Variants in GMPPA observed in about 807,000 individuals in gnomAD.
The protein encoded by GMPPA is mannose-1-phosphate guanylyltransferase regulatory subunit alpha.
A neutral mutation model predicts 58.6 loss-of-function variants in GMPPA; 46 were observed. The observed-to-expected ratio is 0.78, with a 90% CI of 0.62 to 1.00. GMPPA has a LOEUF of 1.00. GMPPA is among the 50% of genes least tolerant of loss of function. The pLI, the probability that GMPPA is intolerant of heterozygous loss-of-function variation, is 0.00. For missense variants in GMPPA, 468 were observed against 556.4 expected (o/e 0.84, Z 1.60); for synonymous variants, 211 against 214.9 (o/e 0.98, Z 0.16).
rs907394838 is a variant in GMPPA, at chr2:219,506,183, C to T, written c.994-71C>T. 9 of 1,516,894 alleles carry T rather than the reference C, an allele frequency of 5.9e-6. No homozygotes were observed. The Admixed American group carries it at 9.1e-5, about 15-fold the overall frequency. The allele number at this position is 1,516,894 out of a possible 1,614,324, so 94.0% of individuals were successfully genotyped here. On this transcript the variant is annotated intron_variant, in intron 11 of 12. Transcript: ENST00000313597. Reference sequence around the variant, plus strand: ...GAACGCCGTGGGCTCTGCATCTGGCCACACCTCACACCCTCCGGTTCCTGC... The same window carrying T: ...GAACGCCGTGGGCTCTGCATCTGGCTACACCTCACACCCTCCGGTTCCTGC...
At position 219,505,898 on chromosome 2, in the gene GMPPA, G is replaced by A. The variant is rs1005584358; in HGVS notation, c.901-82G>A. 3.4e-5 allele frequency: 39 copies of A among 1,155,256 alleles called. No individual in the cohort carries two copies. In the South Asian group the frequency reaches 5.7e-4, roughly 17 times the overall value. 71.6% of individuals were successfully genotyped at this position (1,155,256 alleles called of 1,614,324 possible). ...GTGTGTCCTCGAGCAGGTCACTTAT[G>A]CCTTATCTGTTCTAGAAGGGAGTTG... On this transcript the variant is annotated intron_variant, in intron 10 of 12. Coordinates refer to ENST00000313597, the MANE Select transcript of GMPPA (RefSeq NM_013335.4).
Position 219,501,598 on chromosome 2 carries a change from G to C in GMPPA, c.242+19G>C, listed in dbSNP as rs201263031. On this transcript the variant is annotated intron_variant, in intron 4 of 12. Transcript: ENST00000313597. ...CAGTCAGGTGTTTGTGCACACACTC[G>C]TATATGGGGGGGTGGGGATGCCCTA... 2.8e-6 allele frequency: 4 copies of C among 1,450,674 alleles called. No individual in the cohort carries two copies. The Admixed American group carries it at 5.0e-5, about 18-fold the overall frequency. The allele number at this position is 1,450,674 out of a possible 1,614,324, so 89.9% of individuals were successfully genotyped here.
In GMPPA at chr2:219,501,604, G is replaced by C. The variant is rs111228471; in HGVS notation, c.242+25G>C. The C allele has an allele frequency of 1.4e-3, 1,928 of 1,373,294 alleles. 19 individuals carry two copies. The African/African-American group carries it at 0.025, about 18-fold the overall frequency. 85.1% of individuals were successfully genotyped at this position (1,373,294 alleles called of 1,614,324 possible). On this transcript the variant is annotated intron_variant, in intron 4 of 12. Coordinates refer to ENST00000313597, the MANE Select transcript of GMPPA (RefSeq NM_013335.4). ...GGTGTTTGTGCACACACTCGTATATGGGGGGGTGGGGATGCCCTAGGCCTC... is the reference window on the plus strand; with the variant it reads ...GGTGTTTGTGCACACACTCGTATATCGGGGGGTGGGGATGCCCTAGGCCTC...
intron 6 of GMPPA, 29 bp from the exon 7 acceptor site, chr2:219,504,054 C>T (rs1694490060): frequency 6.2e-7 from 1 of 1,613,572 alleles, no homozygotes; most frequent in South Asian, 1.1e-5. Context: ...GTCCCTTCTT[C>T]TACTGAACCC....
At chr2:219,505,626 G>C (rs762029038) in intron 9 of GMPPA, 71 bp downstream of exon 9, 3 of 1,576,528 alleles carry the variant, frequency 1.9e-6, no homozygotes, top group Non-Finnish European at 2.6e-6. Context: ...TCTTGACCTC[G>C]AGTCCAGAGT....
intron 7 of GMPPA, chr2:219,504,690 C>T (rs934526511): frequency 1.9e-5 from 4 of 207,066 alleles, no homozygotes; most frequent in East Asian, 3.0e-4. Context: ...AACCCCCCAC[C>T]GCCCCATCTA....
intron 7 of GMPPA, chr2:219,504,508 A>G (rs1694507132): frequency 2.1e-6 from 1 of 471,054 alleles, no homozygotes; most frequent in African/African-American, 2.0e-5. Context: ...AGCAACACAC[A>G]GTTGGGCGCA....
Position 219,502,112 on chromosome 2 carries a change from A to T in GMPPA, c.429+75A>T. ...CTTCCCGGAATTCAGGGTGTTGGGG[A>T]GGCAGGGGCGCCCCGGGAGTTGGTG... On this transcript the variant is annotated intron_variant, in intron 5 of 12. Coordinates refer to ENST00000313597, the MANE Select transcript of GMPPA (RefSeq NM_013335.4). This position sits in a 1 kb window ranked among gnomAD's most constrained non-coding sequence, Gnocchi z 4.0. 6.8e-7 allele frequency: 1 copy of T among 1,465,492 alleles called. No individual in the cohort carries two copies. Among genetic ancestry groups the T allele is most frequent in the Non-Finnish European group, 9.4e-7 (1 of 1,058,524 alleles). 90.8% of individuals were successfully genotyped at this position (1,465,492 alleles called of 1,614,324 possible).
intron 3 of GMPPA, chr2:219,500,972 C>G (rs547297573): frequency 6.4e-6 from 1 of 155,742 alleles, no homozygotes; most frequent in African/African-American, 2.4e-5. Context: ...GTAATCCCAA[C>G]GCTTTTTGAG....
At position 219,506,726 on chromosome 2, in the gene GMPPA, GC is replaced by G. The variant is rs770048910; in HGVS notation, c.1192del (p.Leu398SerfsTer3). The G allele has an allele frequency of 2.5e-6, 4 of 1,606,014 alleles. No individual in the cohort carries two copies. The South Asian group carries it at 4.4e-5, about 18-fold the overall frequency. ...GCRVRIPAEV[L>X]ILNSIVLPHK... ...GCCGAGTCCGGATCCCTGCCGAGGT[GC>G]TCATCCTGAACTCGATTGTTCTGCC... On this transcript the variant is annotated frameshift_variant, in exon 13 of 13. Transcript: ENST00000313597. LOFTEE classifies it high-confidence loss of function.
intron 6 of GMPPA, among the ~76,000 whole-genome samples, chr2:219,503,651 G>T (rs774556516): frequency 4.6e-5 from 7 of 152,162 alleles, no homozygotes; most frequent in Non-Finnish European, 8.8e-5. Context: ...ACAATGCCAT[G>T]GGTGAGGCGT....
intron 3 of GMPPA, chr2:219,500,896 C>T (rs963634158): frequency 6.4e-6 from 1 of 155,376 alleles, no homozygotes; most frequent in African/African-American, 2.4e-5. Flanking sequence ...TAGAGTGAGT[C>T]CCAGTTCAGG....
chr2:219,504,822 T>G, intron 7 of GMPPA: 1 of 1,046,526 alleles, frequency 9.6e-7, no homozygotes, highest in Non-Finnish European at 1.2e-6. Context: ...TCTCTCTCCC[T>G]TTCTTTCTGT....
In GMPPA at chr2:219,505,259, G is replaced by C; in HGVS notation, c.652G>C (p.Gly218Arg). The C allele has an allele frequency of 6.2e-7, 1 of 1,614,084 alleles. No individual in the cohort carries two copies. The highest frequency in any genetic ancestry group is 8.5e-7 in the Non-Finnish European group (1 of 1,179,932). Residue 218 changes from glycine to arginine, a missense_variant, in exon 8 of 13, where the codon GGT becomes CGT. Gly to Arg is a moderately radical substitution (Grantham distance 125). Coordinates refer to ENST00000313597, the MANE Select transcript of GMPPA (RefSeq NM_013335.4). ...EDSPGLWPGA[G>R]TIRLEQDVFS... ...CTCACCAGGCTTGTGGCCAGGGGCA[G>C]GTACCATCCGCCTAGAGCAGGATGT... is the stretch of plus-strand genomic sequence containing the variant.
rs201361535 is a variant in GMPPA at position 219,505,493 on chromosome 2, G to A, written c.791G>A (p.Arg264Gln). The A allele has an allele frequency of 1.6e-5, 26 of 1,579,834 alleles. No homozygotes were observed. The highest frequency in any genetic ancestry group is 6.9e-5 in the South Asian group (6 of 86,796). ...ALYASRLYLS[R>Q]YQDTHPERLA... ...TACGCCTCCCGCCTCTACCTGAGCC[G>A]ATACCAGGACACTCACCCAGAACGG... The change falls in exon 9 of 13, where the codon CGA becomes CAA. Residue 264 changes from arginine (R) to glutamine (Q), a missense_variant. Arg to Gln is a conservative substitution (Grantham distance 43). Transcript: ENST00000313597.
In GMPPA at chr2:219,499,718, T is replaced by C. The variant is rs1694321161; in HGVS notation, c.-20-238T>C. The C allele has an allele frequency of 1.2e-5, 7 of 585,418 alleles. No individual in the cohort carries two copies. The South Asian group carries it at 1.4e-4, about 12-fold the overall frequency. 36.3% of individuals were successfully genotyped at this position (585,418 alleles called of 1,614,324 possible). On this transcript the variant is annotated intron_variant, in intron 1 of 12. Transcript: ENST00000313597. The stretch of plus-strand genomic sequence containing the variant: ...CTATATTGAGCTTTGGGTTTACATC[T>C]TGGGGGAGGGCTAAGTGCTGCTATT...
intron 7 of GMPPA, 35 bp downstream of exon 7, chr2:219,504,248 A>AC: frequency 6.2e-7 from 1 of 1,604,878 alleles, no homozygotes; most frequent in Non-Finnish European, 8.5e-7. Flanking sequence ...GACCCCAAGT[A>AC]CCCCCAGTCA....
chr2:219,502,577 A>C lies in GMPPA; in HGVS notation c.489+136A>C. ...ACAGGTGAGACACTCCCGATTAATC[A>C]TCTTATATCCCTTTAAGAGAGATTG... On this transcript the variant is annotated intron_variant, in intron 6 of 12. Coordinates refer to ENST00000313597, the MANE Select transcript of GMPPA (RefSeq NM_013335.4). This position sits in a 1 kb window ranked among gnomAD's most constrained non-coding sequence, Gnocchi z 4.0. The C allele has an allele frequency of 1.6e-6, 1 of 630,484 alleles. No individual in the cohort carries two copies. 39.1% of individuals were successfully genotyped at this position (630,484 alleles called of 1,614,324 possible).
intron 4 of GMPPA, 124 bp from the exon 5 acceptor site, chr2:219,501,727 A>G: frequency 1.1e-6 from 1 of 922,544 alleles, no homozygotes; most frequent in Non-Finnish European, 1.7e-6. Flanking sequence ...CTGAGTATAT[A>G]GAGTTTCTCT....
Sources: gnomAD v4.1 joint callset for allele counts (sites outside exome capture counted in the v4.1 genomes callset) on GRCh38, gnomAD v4.1.1 for gene constraint, Gnocchi (gnomAD v3.1) non-coding constraint, MANE v1.5 for transcripts, NCBI Gene and HGNC (gene_info 2026-07-23, HGNC 2026-07-21) for gene names.